KDM2B: variants seen among roughly 807,000 people sequenced by gnomAD.
The protein encoded by KDM2B is lysine-specific demethylase 2B.
In KDM2B, 26 loss-of-function variants were observed where a neutral mutation model predicts 150.0. The ratio of observed to expected loss-of-function variants is 0.17; its 90% CI spans 0.13 to 0.24. The LOEUF (loss-of-function observed/expected upper bound fraction) is 0.24, where lower values mean the gene tolerates loss of function less well. Ranked by LOEUF, KDM2B falls within the 10% of genes least tolerant of loss-of-function variation. The pLI is 1.00. For missense variants in KDM2B, 1,265 were observed against 1,816.9 expected, an observed-to-expected ratio of 0.70 and a Z score of 5.52; for synonymous variants, 734 against 729.5, an observed-to-expected ratio of 1.01 and a Z score of -0.10.
the KDM2B span, among the ~76,000 whole-genome samples, chr12:121,421,092 C>A: frequency 6.6e-6 from 1 of 152,182 alleles, no homozygotes; most frequent in South Asian, 2.1e-4. Context: ...CTTATTTTCT[C>A]ACTAATGCCT....
intron 4 of KDM2B, among the ~76,000 whole-genome samples, chr12:121,563,663 A>T (rs1890500541): frequency 1.3e-5 from 2 of 152,040 alleles, no homozygotes; most frequent in Admixed American, 1.3e-4. Flanking sequence ...TCACGCCTGT[A>T]ATCCCAGCAC....
intron 8 of KDM2B, among the ~76,000 whole-genome samples, chr12:121,523,019 A>G (rs1284884094): frequency 7.9e-5 from 12 of 152,364 alleles, no homozygotes; most frequent in Middle Eastern, 3.4e-3. Context: ...GCAAGTGCTC[A>G]GGTGACATGT....
intron 8 of KDM2B, among the ~76,000 whole-genome samples, chr12:121,527,472 G>C (rs1235942157): frequency 8.2e-5 from 12 of 146,496 alleles, no homozygotes; most frequent in Non-Finnish European, 9.0e-5. Flanking sequence ...CTAACACGGT[G>C]AAACCCCGTC....
intron 21 of KDM2B, 167 bp downstream of exon 21, chr12:121,440,649 C>T: frequency 1.5e-6 from 1 of 658,768 alleles, no homozygotes; most frequent in East Asian, 2.8e-5. Flanking sequence ...ACAGGAGCCC[C>T]TGCCTCCTCC....
At chr12:121,444,345 C>T (rs782536354) in intron 15 of KDM2B, 73 bp from the exon 16 acceptor site, 29 of 1,606,502 alleles carry the variant, frequency 1.8e-5, no homozygotes, top group African/African-American at 2.7e-5. Context: ...CTCCCCAGGC[C>T]GACGGCAACC....
downstream of KDM2B, among the ~76,000 whole-genome samples, chr12:121,424,717 AAAAAAAAAG>A (rs1429624755): frequency 9.1e-5 from 13 of 142,486 alleles, no homozygotes; most frequent in African/African-American, 2.8e-4. Context: ...TCTCAAAAAA[AAAAAAAAAG>A]AAAAAAAAGA....
intron 13 of KDM2B, among the ~76,000 whole-genome samples, chr12:121,447,023 T>G (rs1876390915): frequency 6.6e-6 from 1 of 152,192 alleles, no homozygotes; most frequent in Non-Finnish European, 1.5e-5. Context: ...AACAGCTCAT[T>G]GATACAGTTT....
chr12:121,508,606 C>A (rs868987962), intron 11 of KDM2B, among the ~76,000 whole-genome samples: 2 of 152,264 alleles, frequency 1.3e-5, no homozygotes, highest in South Asian at 4.1e-4. Flanking sequence ...AACCAAAAAG[C>A]CTTACTAATG....
At chr12:121,579,629 C>T (rs1891788844) in intron 1 of KDM2B, 3 of 1,328,014 alleles carry the variant, frequency 2.3e-6, no homozygotes, top group Non-Finnish European at 3.0e-6. Flanking sequence ...TGCCTCATCT[C>T]CCCACAAGCG....
chr12:121,520,373 T>A lies in KDM2B; in HGVS notation c.1047+612A>T, dbSNP rs1477935357. On this transcript the variant is annotated intron_variant, in intron 9 of 22. Coordinates refer to ENST00000377071, the MANE Select transcript of KDM2B (RefSeq NM_032590.5). This position sits in a 1 kb window ranked among gnomAD's most constrained non-coding sequence, Gnocchi z 4.5. ...CCGCCCATGTTCGTAGGACATGGGG[T>A]GAGTGAGGGAAACTTGACGTCTGGG... Among the ~76,000 whole-genome samples, 1 of 151,660 alleles carries A rather than the reference T, an allele frequency of 6.6e-6. No individual in the cohort carries two copies. Among genetic ancestry groups the A allele is most frequent in the African/African-American group, 2.4e-5 (1 of 41,240 alleles).
At chr12:121,532,620 T>C (rs1887758835) in intron 8 of KDM2B, among the ~76,000 whole-genome samples, 186 bp downstream of exon 8, 1 of 152,076 alleles carries the variant, frequency 6.6e-6, no homozygotes, top group African/African-American at 2.4e-5. Flanking sequence ...CCGTAGGTGG[T>C]AGATACAGGT....
chr12:121,423,361 G>GC, the KDM2B span: 2 of 1,572,126 alleles, frequency 1.3e-6, no homozygotes, highest in Non-Finnish European at 1.7e-6. This position sits in a 1 kb window ranked among gnomAD's most constrained non-coding sequence, Gnocchi z 4.3. Flanking sequence ...TGAAGCCGAG[G>GC]CCTTAGCTCT....
Position 121,453,755 on chromosome 12 carries a change from C to T in KDM2B, c.1735-411G>A, listed in dbSNP as rs1273469481. On this transcript the variant is annotated intron_variant, in intron 12 of 22. Coordinates refer to ENST00000377071, the MANE Select transcript of KDM2B (RefSeq NM_032590.5). This position sits in a 1 kb window ranked among gnomAD's most constrained non-coding sequence, Gnocchi z 6.4. ...TAGAGCCCGCAGAGCCAGCCCGGCC[C>T]GCCAGCCCACACCTTGACTTCAGAC... Among the ~76,000 whole-genome samples, 2 of 152,058 alleles carry T rather than the reference C, an allele frequency of 1.3e-5. No individual in the cohort carries two copies. Among genetic ancestry groups the T allele is most frequent in the East Asian group, 1.9e-4 (1 of 5,184 alleles).
At chr12:121,511,389 C>T (rs1042820230) in intron 10 of KDM2B, among the ~76,000 whole-genome samples, 4 of 147,816 alleles carry the variant, frequency 2.7e-5, no homozygotes, top group Middle Eastern at 3.9e-3. Flanking sequence ...CAGGTTCAAG[C>T]GAGTCTCCTG....
At chr12:121,577,723 T>G (rs972584963) in intron 2 of KDM2B, among the ~76,000 whole-genome samples, 18 of 152,090 alleles carry the variant, frequency 1.2e-4, no homozygotes, top group Admixed American at 1.0e-3. Context: ...CTTTGTAACT[T>G]AAAGGAAATT....
At chr12:121,456,131 T>C (rs552995862) in intron 12 of KDM2B, among the ~76,000 whole-genome samples, 1 of 152,352 alleles carries the variant, frequency 6.6e-6, no homozygotes, top group East Asian at 1.9e-4. Context: ...CCTGTGGTCA[T>C]GGAACCAGCA....
At chr12:121,580,274 T>A in intron 1 of KDM2B, 1 of 1,154,004 alleles carries the variant, frequency 8.7e-7, no homozygotes, top group Non-Finnish European at 1.1e-6. Context: ...GGCGTCGACG[T>A]CATAATCCCC....
chr12:121,451,148 C>T (rs1455477319), intron 13 of KDM2B, among the ~76,000 whole-genome samples: 1 of 152,048 alleles, frequency 6.6e-6, no homozygotes, highest in Non-Finnish European at 1.5e-5. Flanking sequence ...GCCTCTGCCA[C>T]CTCTGAGACA....
intron 1 of KDM2B, chr12:121,579,755 G>C (rs541579576): frequency 1.8e-6 from 2 of 1,098,926 alleles, no homozygotes; most frequent in Non-Finnish European, 2.3e-6. Flanking sequence ...GGCGAACCCC[G>C]AGCCCGCTCA....
Sources: allele counts gnomAD v4.1 joint callset (sites outside exome capture counted in the v4.1 genomes callset), GRCh38; gene constraint gnomAD v4.1.1; non-coding constraint Gnocchi (gnomAD v3.1); transcripts MANE v1.5; gene names NCBI Gene and HGNC (gene_info 2026-07-23, HGNC 2026-07-21).